CEP76: variants seen among roughly 807,000 people sequenced by gnomAD.
The protein encoded by CEP76 is centrosomal protein of 76 kDa.
A neutral mutation model predicts 83.3 loss-of-function variants in CEP76; 55 were observed. The observed-to-expected ratio is 0.66, with a 90% CI of 0.53 to 0.83. The LOEUF (loss-of-function observed/expected upper bound fraction) is 0.83, where lower values mean the gene tolerates loss of function less well. Among genes scored for constraint, CEP76 ranks in the 40% least tolerant of loss-of-function variants. CEP76 has a pLI of 0.00. For missense variants in CEP76, 694 were observed against 799.5 expected (o/e 0.87, Z 1.59); for synonymous variants, 270 against 274.5 (o/e 0.98, Z 0.16).
chr18:12,700,187 G>A (rs1243380791), intron 2 of CEP76: 1 of 216,398 alleles, frequency 4.6e-6, no homozygotes, highest in East Asian at 9.3e-5. Context: ...CTTCAACAAG[G>A]TTAAACTTTC....
rs1410860197 is a variant in CEP76, at chr18:12,691,447, A to G, written c.845T>C (p.Leu282Ser). 1.9e-5 allele frequency: 30 copies of G among 1,608,292 alleles called. No homozygotes were observed. The highest frequency in any genetic ancestry group is 2.3e-5 in the Non-Finnish European group (27 of 1,177,288). The change falls in exon 7 of 12, where the codon TTA becomes TCA. Residue 282 changes from leucine to serine, a missense_variant. Transcript: ENST00000262127. ...CCACTGCTTAGCATATACAAGAAAT[A>G]ATCGCTCTTTCTCTGCAGTTTTCTG... The part of the protein sequence containing the change: ...ERQKTAEKER[L>S]FLVYAKQWWR...
chr18:12,675,580 T>C (rs2039094714), intron 10 of CEP76, among the ~76,000 whole-genome samples: 1 of 152,186 alleles, frequency 6.6e-6, no homozygotes, highest in Non-Finnish European at 1.5e-5. Context: ...CTGTAAGAGA[T>C]AAAAAGATGA....
intron 5 of CEP76, among the ~76,000 whole-genome samples, chr18:12,696,756 G>A (rs966648044): frequency 2.6e-5 from 4 of 152,090 alleles, no homozygotes; most frequent in Non-Finnish European, 5.9e-5. Flanking sequence ...TACTAACACT[G>A]AGCAAATTAT....
chr18:12,678,206 G>A lies in CEP76; in HGVS notation c.1526C>T (p.Pro509Leu). ...VCAPGATTSLPPFPPLCASTI... is the reference protein window; with the variant it reads ...VCAPGATTSLLPFPPLCASTI... ...GGATGCACACAGAGGTGGAAAGGGAGGAAGGGATGTTGTAGCTCCAGGAGC... is the reference window on the plus strand; with the variant it reads ...GGATGCACACAGAGGTGGAAAGGGAAGAAGGGATGTTGTAGCTCCAGGAGC... The change falls in exon 10 of 12, where the codon CCT (proline) becomes CTT (leucine). Residue 509 changes from proline (P) to leucine (L), a missense_variant. Coordinates refer to ENST00000262127, the MANE Select transcript of CEP76 (RefSeq NM_024899.4). The A allele has an allele frequency of 6.2e-7, 1 of 1,614,172 alleles. No individual in the cohort carries two copies. Among genetic ancestry groups the A allele is most frequent in the Non-Finnish European group, 8.5e-7 (1 of 1,180,020 alleles).
rs200920017 is a variant in CEP76, at chr18:12,678,228, G to A, written c.1504C>T (p.Pro502Ser). 1 of 1,614,128 alleles carries A rather than the reference G, an allele frequency of 6.2e-7. No individual in the cohort carries two copies. The highest frequency in any genetic ancestry group is 1.7e-5 in the Admixed American group (1 of 59,994). The change falls in exon 10 of 12, where the codon CCT becomes TCT. Residue 502 changes from proline (P) to serine (S), a missense_variant. Physicochemically the swap from Pro to Ser is moderately conservative, Grantham distance 74 (BLOSUM62 -1). Transcript: ENST00000262127. ...SEEAIKSVCAPGATTSLPPFP... is the reference protein window; with the variant it reads ...SEEAIKSVCASGATTSLPPFP... ...GGAGGAAGGGATGTTGTAGCTCCAG[G>A]AGCACACACAGATTTAATTGCTTCC...
Position 12,697,396 on chromosome 18 carries a change from C to G in CEP76, c.533G>C (p.Arg178Thr). ...VHRESLGDGTRMADSTTMLSI... is the reference protein window; with the variant it reads ...VHRESLGDGTTMADSTTMLSI... Reference sequence around the variant, plus strand: ...TAACATTGTTGTTGAATCAGCCATTCTAGTTCCATCACCTAGCAATATAAT... The same window carrying G: ...TAACATTGTTGTTGAATCAGCCATTGTAGTTCCATCACCTAGCAATATAAT... Residue 178 changes from arginine to threonine, a missense_variant, in exon 5 of 12, where the codon AGA (arginine) becomes ACA (threonine). Physicochemically the swap from Arg to Thr is moderately conservative, Grantham distance 71. Coordinates refer to ENST00000262127, the MANE Select transcript of CEP76 (RefSeq NM_024899.4). 6.2e-7 allele frequency: 1 copy of G among 1,607,366 alleles called. No homozygotes were observed. The highest frequency in any genetic ancestry group is 8.5e-7 in the Non-Finnish European group (1 of 1,176,248).
At chr18:12,667,372 C>T (rs1481368687) in intron 12 of CEP76, among the ~76,000 whole-genome samples, 7 of 150,064 alleles carry the variant, frequency 4.7e-5, no homozygotes, top group East Asian at 4.0e-4. Context: ...CCAGAGGATC[C>T]GTTGAGCCCA....
intron 5 of CEP76, among the ~76,000 whole-genome samples, chr18:12,695,907 ATT>A (rs1199420112): frequency 6.6e-6 from 1 of 151,850 alleles, no homozygotes; most frequent in African/African-American, 2.4e-5. Flanking sequence ...AAGCATTTAT[ATT>A]GTCACTTATA....
intron 2 of CEP76, 137 bp from the exon 3 acceptor site, chr18:12,700,042 C>A (rs938053202): frequency 6.6e-6 from 3 of 455,528 alleles, no homozygotes; most frequent in Non-Finnish European, 1.2e-5. Flanking sequence ...ATTTTCCTAG[C>A]CTAATTAAAA....
At chr18:12,681,970 T>G (rs560920662) in intron 8 of CEP76, among the ~76,000 whole-genome samples, 1 of 150,624 alleles carries the variant, frequency 6.6e-6, no homozygotes, top group Non-Finnish European at 1.5e-5. Flanking sequence ...CACTCCAGCC[T>G]GGACAACAGA....
At chr18:12,699,453 A>C (rs1247728752) in intron 3 of CEP76, among the ~76,000 whole-genome samples, 1 of 152,172 alleles carries the variant, frequency 6.6e-6, no homozygotes, top group African/African-American at 2.4e-5. Flanking sequence ...AAGGCATCAG[A>C]GCCAATATGT....
At chr18:12,674,488 C>G (rs1366657977) in intron 11 of CEP76, 48 bp downstream of exon 11, 2 of 1,367,042 alleles carry the variant, frequency 1.5e-6, no homozygotes, top group Non-Finnish European at 2.1e-6. Flanking sequence ...CCGGACTGAT[C>G]TGTAAGACTC....
At chr18:12,679,388 G>A (rs184247261) in intron 9 of CEP76, 2 of 152,174 alleles carry the variant, frequency 1.3e-5, no homozygotes, top group East Asian at 1.9e-4. Context: ...TTCAATCTGC[G>A]AGGCAGGAAG....
intron 8 of CEP76, among the ~76,000 whole-genome samples, chr18:12,681,996 T>TA (rs1163314226): frequency 0.029 from 3,902 of 136,046 alleles, 128 homozygotes; most frequent in African/African-American, 0.081. Context: ...ACTCTGTCTC[T>TA]AAAAAAAAAA....
At chr18:12,669,291 T>C (rs2038880644), downstream of CEP76, among the ~76,000 whole-genome samples, 1 of 151,986 alleles carries the variant, frequency 6.6e-6, no homozygotes. Flanking sequence ...TTTGTATTTT[T>C]ACTAGAGACA....
chr18:12,665,822 C>T (rs1171734394), intron 12 of CEP76, among the ~76,000 whole-genome samples: 2 of 152,210 alleles, frequency 1.3e-5, no homozygotes, highest in South Asian at 2.1e-4. Flanking sequence ...CTCAGCCTCC[C>T]GAGTAGCTGC....
intron 1 of CEP76, among the ~76,000 whole-genome samples, chr18:12,701,743 C>A (rs953641448): frequency 6.6e-6 from 1 of 152,144 alleles, no homozygotes; most frequent in Non-Finnish European, 1.5e-5. Context: ...ATTACAAACC[C>A]TTTAGTAACT....
At chr18:12,667,304 A>G (rs1279878296) in intron 12 of CEP76, among the ~76,000 whole-genome samples, 2 of 152,280 alleles carry the variant, frequency 1.3e-5, no homozygotes, top group African/African-American at 2.4e-5. Context: ...AAAAATTTTA[A>G]AAGTTAGCTG....
downstream of CEP76, among the ~76,000 whole-genome samples, chr18:12,668,126 A>G (rs1430052602): frequency 1.3e-5 from 2 of 151,642 alleles, no homozygotes; most frequent in African/African-American, 2.4e-5. Flanking sequence ...TTAGCCAGAC[A>G]TGTTGGTGCA....
Sources: allele counts gnomAD v4.1 joint callset (sites outside exome capture counted in the v4.1 genomes callset), GRCh38; gene constraint gnomAD v4.1.1; transcripts MANE v1.5; gene names NCBI Gene and HGNC (gene_info 2026-07-23, HGNC 2026-07-21).